Variants in UGT2A2 observed in about 807,000 individuals in gnomAD.
UGT2A2 encodes UDP glucuronosyltransferase family 2 member A2, also known as UDP-glucuronosyltransferase 2A2.
A neutral mutation model predicts 50.7 loss-of-function variants in UGT2A2; 60 were observed. The observed-to-expected ratio is 1.18, with a 90% CI of 0.96 to 1.47. The LOEUF is 1.47. Ranked by LOEUF, UGT2A2 falls within the 40% of genes most tolerant of loss-of-function variation. The pLI is 0.00. For synonymous variants in UGT2A2, 242 were observed against 214.6 expected (o/e 1.13, Z -1.11); for missense variants, 762 against 634.0 (o/e 1.20, Z -2.17).
rs1220754889 is a variant in UGT2A2, at chr4:69,594,595, C to A, written c.1213G>T (p.Asp405Tyr). The A allele has an allele frequency of 1.9e-6, 3 of 1,614,004 alleles. No individual in the cohort carries two copies. In the African/African-American group the frequency reaches 4.0e-5, roughly 22 times the overall value. The change falls in exon 5 of 6, where the codon GAT becomes TAT. Residue 405 changes from aspartate to tyrosine, a missense_variant. Physicochemically the swap from Asp to Tyr is radical, Grantham distance 160. Coordinates refer to ENST00000604629, the MANE Select transcript of UGT2A2 (RefSeq NM_001105677.2). ...VPMVGVPMFA[D>Y]QPDNIAHMKA... ...ATGTGAGCAATGTTATCAGGCTGAT[C>A]AGCAAACATGGGAACTCCCACCATA... is the stretch of plus-strand genomic sequence containing the variant.
In UGT2A2 at chr4:69,590,771, G is replaced by T. The variant is rs139163824; in HGVS notation, c.1332-1120C>A. 6.9e-3 allele frequency among the ~76,000 whole-genome samples: 1,052 copies of T among 152,120 alleles called. 15 individuals carry two copies. Among genetic ancestry groups the T allele is most frequent in the African/African-American group, 0.022 (926 of 41,506 alleles). On this transcript the variant is annotated intron_variant, in intron 5 of 5. Transcript: ENST00000604629. ...TTTGTACATGTGAATCAAAAAATAA[G>T]AAGAAGAAAGCATGTTTTCCTATAA... is the stretch of plus-strand genomic sequence containing the variant.
In UGT2A2 at chr4:69,639,044, G is replaced by A. The variant is rs1032889902; in HGVS notation, c.597C>T (p.Val199=). 1.9e-6 allele frequency: 3 copies of A among 1,613,260 alleles called. No homozygotes were observed. In the African/African-American group the frequency reaches 4.0e-5, roughly 22 times the overall value. The change falls in exon 1 of 6, where the codon GTC becomes GTT. Residue 199 remains valine, a synonymous_variant. Coordinates refer to ENST00000604629, the MANE Select transcript of UGT2A2 (RefSeq NM_001105677.2). The part of the protein sequence containing the change: ...ERHCGKIPAP[V]SYVPAALSEL... ...CTGATAAGGCTGCCGGTACATAGGAGACTGGTGCTGGGATTTTCCCACAGT... is the reference window on the plus strand; with the variant it reads ...CTGATAAGGCTGCCGGTACATAGGAAACTGGTGCTGGGATTTTCCCACAGT...
chr4:69,590,375 C>G (rs1410812969), intron 5 of UGT2A2, among the ~76,000 whole-genome samples: 1 of 152,174 alleles, frequency 6.6e-6, no homozygotes, highest in Non-Finnish European at 1.5e-5. Context: ...GGGTGGATAT[C>G]TACATATTTA....
intron 2 of UGT2A2, among the ~76,000 whole-genome samples, chr4:69,596,973 C>T (rs938974171): frequency 2.0e-5 from 3 of 152,148 alleles, no homozygotes; most frequent in African/African-American, 4.8e-5. Context: ...AAATTGTTAC[C>T]CCCAAGGCTT....
chr4:69,595,073 T>A lies in UGT2A2; in HGVS notation c.1111+89A>T, dbSNP rs541958893. ...AGTGTCAAATAACATTTTAAATTAT[T>A]AAAAATGTATTGAATTTATTTGCTA... On this transcript the variant is annotated intron_variant, in intron 4 of 5. Transcript: ENST00000604629. 34 of 1,488,210 alleles carry A rather than the reference T, an allele frequency of 2.3e-5. 1 individual carries two copies. The highest frequency in any genetic ancestry group is 3.0e-5 in the Non-Finnish European group (32 of 1,083,930). The allele number at this position is 1,488,210 out of a possible 1,614,324, so 92.2% of individuals were successfully genotyped here. A position where few individuals can be genotyped will look rare whatever the true frequency, so the allele number is the denominator to read the frequency against.
intron 1 of UGT2A2, chr4:69,635,762 G>A: frequency 4.8e-6 from 1 of 206,716 alleles, no homozygotes; most frequent in South Asian, 4.8e-5. Context: ...GGGAAGCAGA[G>A]GTTGCAGTGA....
At chr4:69,630,129 T>C (rs956795184) in intron 1 of UGT2A2, among the ~76,000 whole-genome samples, 1 of 152,086 alleles carries the variant, frequency 6.6e-6, no homozygotes, top group Non-Finnish European at 1.5e-5. Context: ...ATAACTAAAA[T>C]ACAGCCATAT....
intron 1 of UGT2A2, among the ~76,000 whole-genome samples, chr4:69,624,723 T>C (rs1201926853): frequency 2.6e-5 from 4 of 151,442 alleles, no homozygotes; most frequent in Admixed American, 2.6e-4. Flanking sequence ...TCTTCCCAGA[T>C]TTTGTGTTAT....
intron 5 of UGT2A2, among the ~76,000 whole-genome samples, chr4:69,590,175 C>T (rs989124448): frequency 6.6e-6 from 1 of 152,178 alleles, no homozygotes; most frequent in African/African-American, 2.4e-5. Flanking sequence ...ACGAAAAGGA[C>T]AGTGTCTGTA....
rs1719374482 is a variant in UGT2A2, at chr4:69,602,831, T to C, written c.743-3437A>G. ...CCATTCTCTAAAATCAATTTATAGA[T>C]TAATTATGAATCTTATTAAGGGTCA... On this transcript the variant is annotated intron_variant, in intron 1 of 5. Coordinates refer to ENST00000604629, the MANE Select transcript of UGT2A2 (RefSeq NM_001105677.2). Among the ~76,000 whole-genome samples the C allele has an allele frequency of 3.7e-5, 5 of 136,404 alleles. No individual in the cohort carries two copies. In the East Asian group the frequency reaches 1.0e-3, roughly 28 times the overall value. The allele number at this position is 136,404 out of a possible 152,430, so 89.5% of individuals were successfully genotyped here. A position where few individuals can be genotyped will look rare whatever the true frequency, so the allele number is the denominator to read the frequency against.
At position 69,596,282 on chromosome 4, in the gene UGT2A2, T is replaced by C. The variant is rs1577946269; in HGVS notation, c.991A>G (p.Ile331Val). Residue 331 changes from isoleucine (I) to valine (V), a missense_variant, in exon 3 of 6, where the codon ATT becomes GTT. Ile to Val is a conservative substitution (Grantham distance 29). Transcript: ENST00000604629. The stretch of plus-strand genomic sequence containing the variant: ...GGAATCTGGGCAAGGGCTGAGGCAA[T>C]AAGATTGGCCTTTTCTTCTGTAAGG... Reference protein sequence around the residue: ...KNLTEEKANLIASALAQIPQK... With the variant: ...KNLTEEKANLVASALAQIPQK... The C allele has an allele frequency of 6.2e-7, 1 of 1,606,458 alleles. No individual in the cohort carries two copies. The highest frequency in any genetic ancestry group is 1.1e-5 in the South Asian group (1 of 90,114).
chr4:69,596,497 T>A, intron 2 of UGT2A2, 116 bp from the exon 3 acceptor site: 4 of 1,304,730 alleles, frequency 3.1e-6, no homozygotes, highest in South Asian at 2.2e-5. Flanking sequence ...TGTTGAACTG[T>A]CTGTCTTCTG....
chr4:69,622,741 A>G (rs1720822671), intron 1 of UGT2A2, among the ~76,000 whole-genome samples: 1 of 151,782 alleles, frequency 6.6e-6, no homozygotes, highest in Non-Finnish European at 1.5e-5. Flanking sequence ...GCTATTGTCT[A>G]GCAAAGAGAA....
chr4:69,606,441 C>A (rs1461216611), intron 1 of UGT2A2, among the ~76,000 whole-genome samples: 1 of 136,398 alleles, frequency 7.3e-6, no homozygotes, highest in Non-Finnish European at 1.6e-5. Flanking sequence ...TAAGAGCTAT[C>A]TATGACAGAC....
At position 69,600,829 on chromosome 4, in the gene UGT2A2, G is replaced by A. The variant is rs867310001; in HGVS notation, c.743-1435C>T. ...ACACTTAAAAAAAAAAACAGATCTC[G>A]TGATAACTCACTCACTATCACAAGA... On this transcript the variant is annotated intron_variant, in intron 1 of 5. Coordinates refer to ENST00000604629, the MANE Select transcript of UGT2A2 (RefSeq NM_001105677.2). Among the ~76,000 whole-genome samples the A allele has an allele frequency of 3.3e-5, 5 of 151,284 alleles. No individual in the cohort carries two copies. In the East Asian group the frequency reaches 7.8e-4, roughly 24 times the overall value.
chr4:69,593,392 C>A (rs530066358), intron 5 of UGT2A2, among the ~76,000 whole-genome samples: 1 of 151,854 alleles, frequency 6.6e-6, no homozygotes, highest in African/African-American at 2.4e-5. Flanking sequence ...AGATACATTT[C>A]AAAGCAGGAG....
At chr4:69,634,184 G>T (rs970853745) in intron 1 of UGT2A2, among the ~76,000 whole-genome samples, 3 of 152,088 alleles carry the variant, frequency 2.0e-5, no homozygotes, top group South Asian at 4.2e-4. Context: ...GGCGGAGCTT[G>T]CAGTGAGCCG....
intron 1 of UGT2A2, among the ~76,000 whole-genome samples, chr4:69,634,617 G>A (rs541973907): frequency 6.6e-6 from 1 of 152,074 alleles, no homozygotes; most frequent in Non-Finnish European, 1.5e-5. Flanking sequence ...TTTAACAACT[G>A]ATAATCACTT....
chr4:69,633,806 T>A (rs1721517989), intron 1 of UGT2A2, among the ~76,000 whole-genome samples: 1 of 152,188 alleles, frequency 6.6e-6, no homozygotes, highest in South Asian at 2.1e-4. Flanking sequence ...TTGTGGGGAC[T>A]GATAAGCGGA....
Sources: gnomAD v4.1 joint callset for allele counts (sites outside exome capture counted in the v4.1 genomes callset) on GRCh38, gnomAD v4.1.1 for gene constraint, MANE v1.5 for transcripts, NCBI Gene and HGNC (gene_info 2026-07-23, HGNC 2026-07-21) for gene names.